The following FAT3 variants were observed in gnomAD, a reference collection of about 807,000 sequenced individuals.
FAT3 encodes the protein FAT atypical cadherin 3.
In FAT3, 95 loss-of-function variants were observed where a neutral mutation model predicts 310.2. That is an observed-to-expected ratio of 0.31 (90% CI 0.26 to 0.36). The LOEUF (loss-of-function observed/expected upper bound fraction) is 0.36, where lower values mean the gene tolerates loss of function less well. Among genes scored for constraint, FAT3 ranks in the 10% least tolerant of loss-of-function variants. FAT3 has a pLI of 1.00. For synonymous variants in FAT3, 2,314 were observed against 2,192.9 expected (o/e 1.06, Z -1.54); for missense variants, 5,408 against 5,715.6 (o/e 0.95, Z 1.74).
chr11:92,313,275 C>T (rs572208300), intron 1 of FAT3, among the ~76,000 whole-genome samples: 5 of 152,260 alleles, frequency 3.3e-5, no homozygotes, highest in African/African-American at 1.2e-4. Context: ...GGAGCCCCAC[C>T]CATCCACATC....
At chr11:92,594,956 T>C (rs1391736518) in intron 3 of FAT3, among the ~76,000 whole-genome samples, 4 of 151,968 alleles carry the variant, frequency 2.6e-5, no homozygotes, top group Non-Finnish European at 5.9e-5. Context: ...CCTATTAAGG[T>C]GCTCATTCAT....
Position 92,616,061 on chromosome 11 carries a change from A to G in FAT3, c.3608-81323A>G, listed in dbSNP as rs187783924. 2.7e-3 allele frequency among the ~76,000 whole-genome samples: 414 copies of G among 152,168 alleles called. 6 individuals are homozygous for G. Among genetic ancestry groups the G allele is most frequent in the African/African-American group, 9.7e-3 (404 of 41,510 alleles). ...AACTTTCTGTCTCATTGATCTGTCT[A>G]ATGTTGACAGTGGGGTGTTAAAATC... On this transcript the variant is annotated intron_variant, in intron 3 of 27. Coordinates refer to ENST00000525166, the MANE Select transcript of FAT3 (RefSeq NM_001367949.2).
intron 2 of FAT3, among the ~76,000 whole-genome samples, chr11:92,467,373 C>T (rs983962681): frequency 6.6e-6 from 1 of 152,052 alleles, no homozygotes; most frequent in Non-Finnish European, 1.5e-5. Flanking sequence ...GCATAAATAT[C>T]TTTTGACATA....
chr11:92,310,385 G>A (rs1947266110), intron 1 of FAT3, among the ~76,000 whole-genome samples: 1 of 152,108 alleles, frequency 6.6e-6, no homozygotes, highest in Admixed American at 6.5e-5. Context: ...TACTAATTAT[G>A]CTTCTTGTTT....
intron 1 of FAT3, among the ~76,000 whole-genome samples, chr11:92,310,871 A>G (rs1947279978): frequency 6.6e-6 from 1 of 152,086 alleles, no homozygotes; most frequent in African/African-American, 2.4e-5. Context: ...GCCACCAAGC[A>G]ACTGTCTTGC....
At position 92,677,095 on chromosome 11, in the gene FAT3, A is replaced by T. The variant is rs565432412; in HGVS notation, c.3608-20289A>T. Among the ~76,000 whole-genome samples, 12 of 152,370 alleles carry T rather than the reference A, an allele frequency of 7.9e-5. No individual in the cohort carries two copies. In the South Asian group the frequency reaches 2.5e-3, roughly 32 times the overall value. On this transcript the variant is annotated intron_variant, in intron 3 of 27. Coordinates refer to ENST00000525166, the MANE Select transcript of FAT3 (RefSeq NM_001367949.2). ...CCTGTTACAGGCGAGATACTGGGTC[A>T]CAGAGTGCTTGTGTGACTTGCATAA...
chr11:92,556,800 T>C (rs1955037724), intron 3 of FAT3, among the ~76,000 whole-genome samples: 1 of 152,104 alleles, frequency 6.6e-6, no homozygotes, highest in African/African-American at 2.4e-5. Context: ...ATCAGCTCCA[T>C]TACATATTAT....
At chr11:92,328,369 A>G (rs968235162) in intron 1 of FAT3, among the ~76,000 whole-genome samples, 2 of 152,220 alleles carry the variant, frequency 1.3e-5, no homozygotes, top group African/African-American at 4.8e-5. Flanking sequence ...CAGTTGGTGA[A>G]ATATACACAG....
chr11:92,388,191 G>C (rs1297957242), intron 2 of FAT3, among the ~76,000 whole-genome samples: 4 of 151,402 alleles, frequency 2.6e-5, no homozygotes, highest in Non-Finnish European at 5.9e-5. Context: ...TATTTATATA[G>C]TTTTTTTTTA....
At chr11:92,774,226 C>T in intron 7 of FAT3, 46 bp downstream of exon 7, 2 of 1,543,936 alleles carry the variant, frequency 1.3e-6, no homozygotes, top group Non-Finnish European at 1.8e-6. Context: ...AAAGAGCTGC[C>T]AAAGTCAGGG....
At chr11:92,289,030 G>A (rs954158004) in intron 1 of FAT3, among the ~76,000 whole-genome samples, 12 of 152,080 alleles carry the variant, frequency 7.9e-5, no homozygotes, top group African/African-American at 2.2e-4. Flanking sequence ...CCCTGCTTGC[G>A]GGACTCACCA....
chr11:92,793,741 A>G lies in FAT3; in HGVS notation c.4822+764A>G, dbSNP rs555355224. On this transcript the variant is annotated intron_variant, in intron 9 of 27. Coordinates refer to ENST00000525166, the MANE Select transcript of FAT3 (RefSeq NM_001367949.2). ...TCTTTTTTGAATATTCAAGCCACCTATTTTCAAAATGTTCTGCAACTTATG... is the reference window on the plus strand; with the variant it reads ...TCTTTTTTGAATATTCAAGCCACCTGTTTTCAAAATGTTCTGCAACTTATG... 2.6e-5 allele frequency among the ~76,000 whole-genome samples: 4 copies of G among 152,174 alleles called. No individual in the cohort carries two copies. In the South Asian group the frequency reaches 8.3e-4, roughly 32 times the overall value.
intron 3 of FAT3, among the ~76,000 whole-genome samples, chr11:92,620,206 A>G (rs1024475936): frequency 2.8e-4 from 43 of 152,168 alleles, no homozygotes; most frequent in African/African-American, 1.0e-3. Context: ...CCACTGTTAC[A>G]AGGGAACACA....
At chr11:92,378,026 T>G (rs368984756) in intron 2 of FAT3, among the ~76,000 whole-genome samples, 2 of 152,320 alleles carry the variant, frequency 1.3e-5, no homozygotes, top group South Asian at 2.1e-4. Flanking sequence ...CTACAAATAC[T>G]GCAGTTTGTG....
intron 4 of FAT3, among the ~76,000 whole-genome samples, chr11:92,705,777 G>A: frequency 9.4e-5 from 1 of 10,616 alleles, no homozygotes; most frequent in South Asian, 1.8e-3. Flanking sequence ...GATGGTGGTG[G>A]TGATGGTGGT....
chr11:92,546,148 C>T (rs183079603), intron 3 of FAT3, among the ~76,000 whole-genome samples: 27 of 152,224 alleles, frequency 1.8e-4, no homozygotes, highest in African/African-American at 5.5e-4. Context: ...AGTTTCAAAG[C>T]GAGCTTGTGT....
intron 2 of FAT3, among the ~76,000 whole-genome samples, chr11:92,401,381 C>T (rs1018406192): frequency 6.6e-6 from 1 of 152,116 alleles, no homozygotes; most frequent in African/African-American, 2.4e-5. Context: ...TTCTCTCTAA[C>T]AAAGACCTCA....
intron 4 of FAT3, among the ~76,000 whole-genome samples, chr11:92,720,595 A>G (rs1322158214): frequency 6.6e-6 from 1 of 152,190 alleles, no homozygotes; most frequent in Non-Finnish European, 1.5e-5. Context: ...ACATTGGACG[A>G]AAGTGTGGTG....
In FAT3 at chr11:92,801,851, C is replaced by T; in HGVS notation, c.8838C>T (p.Leu2946=). 6.2e-7 allele frequency: 1 copy of T among 1,613,944 alleles called. No homozygotes were observed. The highest frequency in any genetic ancestry group is 2.2e-5 in the East Asian group (1 of 44,874). The part of the protein sequence containing the change: ...SDPPGEVVAV[L]STWDRDTSDV... ...CACCGGGCGAGGTGGTAGCCGTCCT[C>T]AGCACCTGGGACAGAGACACATCCG... Residue 2946 remains leucine (L), a synonymous_variant, in exon 10 of 28, where the codon CTC becomes CTT. Coordinates refer to ENST00000525166, the MANE Select transcript of FAT3 (RefSeq NM_001367949.2).
Sources: allele counts gnomAD v4.1 joint callset (sites outside exome capture counted in the v4.1 genomes callset), GRCh38; gene constraint gnomAD v4.1.1; transcripts MANE v1.5; gene names NCBI Gene and HGNC (gene_info 2026-07-23, HGNC 2026-07-21).